The following SLC22A15 variants were observed in gnomAD, a reference collection of about 807,000 sequenced individuals.
The protein encoded by SLC22A15 is solute carrier family 22 member 15, also known as flipt 1.
SLC22A15 carries 45 observed loss-of-function variants against 62.7 expected under a neutral mutation model. That is an observed-to-expected ratio of 0.72 (90% CI 0.56 to 0.92). SLC22A15 has a LOEUF of 0.92. Among genes scored for constraint, SLC22A15 ranks in the 40% least tolerant of loss-of-function variants. The pLI, the probability that SLC22A15 is intolerant of heterozygous loss-of-function variation, is 0.00. For synonymous variants in SLC22A15, 264 were observed against 267.0 expected (o/e 0.99, Z 0.11); for missense variants, 622 against 665.6 (o/e 0.93, Z 0.72).
At chr1:116,057,728 T>TA (rs1187667914) in intron 8 of SLC22A15, among the ~76,000 whole-genome samples, 3 of 152,160 alleles carry the variant, frequency 2.0e-5, no homozygotes, top group Non-Finnish European at 2.9e-5. Context: ...TATACAGCCA[T>TA]AAAAAATGAT....
chr1:116,050,633 G>A (rs963779301), intron 8 of SLC22A15, among the ~76,000 whole-genome samples: 7 of 152,076 alleles, frequency 4.6e-5, no homozygotes, highest in African/African-American at 1.7e-4. Flanking sequence ...ATACTGAAAA[G>A]TTGAAAGCAT....
At chr1:116,053,655 A>T (rs1045966003) in intron 8 of SLC22A15, among the ~76,000 whole-genome samples, 3 of 152,220 alleles carry the variant, frequency 2.0e-5, no homozygotes, top group Admixed American at 6.5e-5. Context: ...AGCCAGAGAG[A>T]AAGGTTGGGT....
intron 2 of SLC22A15, among the ~76,000 whole-genome samples, chr1:116,019,289 G>A (rs1165836880): frequency 6.6e-6 from 1 of 152,258 alleles, no homozygotes; most frequent in Non-Finnish European, 1.5e-5. Flanking sequence ...GCCTTAGGAT[G>A]TGGGACATAG....
chr1:116,032,418 A>G, intron 6 of SLC22A15: 2 of 985,344 alleles, frequency 2.0e-6, no homozygotes, highest in Non-Finnish European at 2.4e-6. Flanking sequence ...GCTGTGGCTT[A>G]TATGTATTTG....
chr1:115,993,256 G>T (rs1378555624), intron 2 of SLC22A15, among the ~76,000 whole-genome samples: 1 of 152,126 alleles, frequency 6.6e-6, no homozygotes, highest in Non-Finnish European at 1.5e-5. Flanking sequence ...TGACACCCTG[G>T]CCCCATCCTT....
At chr1:116,009,307 C>T (rs1028623974) in intron 2 of SLC22A15, among the ~76,000 whole-genome samples, 1 of 151,752 alleles carries the variant, frequency 6.6e-6, no homozygotes, top group African/African-American at 2.4e-5. Flanking sequence ...CCCGTCCCAC[C>T]GTTCAGAGTG....
chr1:115,982,046 G>C (rs1411551771), intron 1 of SLC22A15, among the ~76,000 whole-genome samples: 1 of 152,220 alleles, frequency 6.6e-6, no homozygotes, highest in Non-Finnish European at 1.5e-5. Context: ...GGATTTCTCA[G>C]AGTTTCCCAA....
At chr1:116,020,572 A>G in intron 3 of SLC22A15, 149 bp from the exon 4 acceptor site, 1 of 705,770 alleles carries the variant, frequency 1.4e-6, no homozygotes, top group South Asian at 2.6e-5. Flanking sequence ...AAAACAAAAA[A>G]ACAAAAAAAA....
chr1:116,057,564 C>T (rs1410369858), intron 8 of SLC22A15, among the ~76,000 whole-genome samples: 1 of 152,154 alleles, frequency 6.6e-6, no homozygotes, highest in South Asian at 2.1e-4. Context: ...TGGGTATATA[C>T]CCAAAGGACT....
chr1:116,031,800 C>T (rs1657415059), intron 6 of SLC22A15: 3 of 1,408,042 alleles, frequency 2.1e-6, no homozygotes, highest in Non-Finnish European at 2.8e-6. Flanking sequence ...TGGGCAGGTC[C>T]ACTGAGCTTG....
At chr1:116,030,533 A>G (rs546022283) in intron 5 of SLC22A15, among the ~76,000 whole-genome samples, 1 of 152,338 alleles carries the variant, frequency 6.6e-6, no homozygotes, top group South Asian at 2.1e-4. Context: ...AGTCCTCTGA[A>G]AGTGTAGGTA....
intron 2 of SLC22A15, among the ~76,000 whole-genome samples, chr1:115,999,758 C>A (rs1162590629): frequency 6.6e-6 from 1 of 152,104 alleles, no homozygotes; most frequent in African/African-American, 2.4e-5. Context: ...CCTGCCTCCA[C>A]CCCGCAAAGT....
At chr1:116,012,606 A>G (rs914044444) in intron 2 of SLC22A15, among the ~76,000 whole-genome samples, 9 of 152,248 alleles carry the variant, frequency 5.9e-5, no homozygotes, top group Non-Finnish European at 1.3e-4. Flanking sequence ...TCAATTAAAA[A>G]ATGGAAATTT....
Position 116,068,398 on chromosome 1 carries a change from G to T in SLC22A15, c.*1290G>T, listed in dbSNP as rs1658545049. 3 of 152,656 alleles carry T rather than the reference G, an allele frequency of 2.0e-5. No homozygotes were observed. The South Asian group carries it at 6.2e-4, about 32-fold the overall frequency. 9.5% of individuals were successfully genotyped at this position (152,656 alleles called of 1,614,324 possible). ...TGGAGAAAAAGAAATTGAATTAGAGGTAAATAGAAGACGTCACTGTGGCTG... is the reference window on the plus strand; with the variant it reads ...TGGAGAAAAAGAAATTGAATTAGAGTTAAATAGAAGACGTCACTGTGGCTG... On this transcript the variant is annotated 3_prime_UTR_variant, in exon 12 of 12. Transcript: ENST00000369503.
intron 8 of SLC22A15, among the ~76,000 whole-genome samples, chr1:116,062,135 G>T (rs1658398496): frequency 1.3e-5 from 2 of 152,194 alleles, no homozygotes; most frequent in Admixed American, 6.5e-5. Context: ...CTTGAGCCCA[G>T]GAGGCGGAGG....
chr1:115,986,697 A>G (rs1161155913), intron 1 of SLC22A15, among the ~76,000 whole-genome samples: 1 of 152,142 alleles, frequency 6.6e-6, no homozygotes, highest in Non-Finnish European at 1.5e-5. Context: ...GCAGACTCTT[A>G]CCCCCACCCC....
intron 8 of SLC22A15, among the ~76,000 whole-genome samples, chr1:116,052,784 C>G (rs12126432): frequency 0.024 from 3,685 of 152,272 alleles, 63 homozygotes; most frequent in Non-Finnish European, 0.04. Flanking sequence ...ACTGCTGATA[C>G]CCAGGCAAAC....
intron 5 of SLC22A15, chr1:116,027,261 C>T (rs541652629): frequency 4.3e-5 from 27 of 625,018 alleles, no homozygotes; most frequent in South Asian, 3.6e-4. Context: ...GCATTGTAAC[C>T]TTCACATTGT....
At chr1:115,977,622 G>A (rs947695137) in intron 1 of SLC22A15, among the ~76,000 whole-genome samples, 2 of 152,240 alleles carry the variant, frequency 1.3e-5, no homozygotes, top group Non-Finnish European at 2.9e-5. Flanking sequence ...ATACGGGCTA[G>A]GATGTGCTGA....
Sources: gnomAD v4.1 joint callset for allele counts (sites outside exome capture counted in the v4.1 genomes callset) on GRCh38, gnomAD v4.1.1 for gene constraint, MANE v1.5 for transcripts, NCBI Gene and HGNC (gene_info 2026-07-23, HGNC 2026-07-21) for gene names.